Variants in NSG2 observed in about 807,000 individuals in gnomAD.
NSG2 encodes the protein neuronal vesicle trafficking-associated protein 2.
NSG2 carries 4 observed loss-of-function variants against 16.9 expected under a neutral mutation model. That is an observed-to-expected ratio of 0.24 (90% CI 0.12 to 0.54). The LOEUF is 0.54. Ranked by LOEUF, NSG2 falls within the 20% of genes least tolerant of loss-of-function variation. NSG2 has a pLI of 0.95. For missense variants in NSG2, 179 were observed against 221.1 expected (o/e 0.81, Z 1.21); for synonymous variants, 98 against 88.7 (o/e 1.11, Z -0.59).
At chr5:174,054,450 A>G (rs187630048) in intron 2 of NSG2, among the ~76,000 whole-genome samples, 84 of 152,290 alleles carry the variant, frequency 5.5e-4, no homozygotes, top group African/African-American at 1.9e-3. Context: ...GTGATTGTAC[A>G]TAGCTCCCTG....
chr5:174,100,760 C>T (rs983490899), intron 3 of NSG2, among the ~76,000 whole-genome samples: 4 of 152,238 alleles, frequency 2.6e-5, no homozygotes, highest in African/African-American at 9.6e-5. Context: ...AGTGGAAGAG[C>T]TCACCCTGTA....
At chr5:174,098,719 A>T (rs1417625910) in intron 3 of NSG2, among the ~76,000 whole-genome samples, 1 of 152,128 alleles carries the variant, frequency 6.6e-6, no homozygotes, top group Admixed American at 6.5e-5. Flanking sequence ...CCTTGAGGCA[A>T]TGGCTGTGCA....
chr5:174,107,966 A>T lies in NSG2; in HGVS notation c.*461A>T, dbSNP rs953231765. The T allele has an allele frequency of 2.8e-6, 1 of 363,432 alleles. No homozygotes were observed. Among genetic ancestry groups the T allele is most frequent in the Non-Finnish European group, 5.4e-6 (1 of 186,698 alleles). The allele number at this position is 363,432 out of a possible 1,614,324, so 22.5% of individuals were successfully genotyped here. A position where few individuals can be genotyped will look rare whatever the true frequency, so the allele number is the denominator to read the frequency against. ...AGTGGGGGCTCCAGGGTTGCAGAGTATGAGTGACACAGACCGGGACTATTC... is the reference window on the plus strand; with the variant it reads ...AGTGGGGGCTCCAGGGTTGCAGAGTTTGAGTGACACAGACCGGGACTATTC... On this transcript the variant is annotated 3_prime_UTR_variant, in exon 5 of 5. Transcript: ENST00000303177. The surrounding 1 kb of genome is among the most constrained non-coding windows in gnomAD (Gnocchi z 4.5).
intron 2 of NSG2, among the ~76,000 whole-genome samples, chr5:174,063,549 T>C (rs1342571383): frequency 7.0e-6 from 1 of 142,434 alleles, no homozygotes; most frequent in Non-Finnish European, 1.5e-5. Context: ...TTTTATTTTA[T>C]TTTATTTTAT....
intron 3 of NSG2, among the ~76,000 whole-genome samples, chr5:174,065,715 A>C (rs781756199): frequency 5.3e-5 from 8 of 152,214 alleles, no homozygotes; most frequent in Non-Finnish European, 1.0e-4. Flanking sequence ...GGAGGCAAAC[A>C]ATCAGCCCTG....
intron 3 of NSG2, among the ~76,000 whole-genome samples, chr5:174,101,523 G>C (rs761682704): frequency 6.6e-6 from 1 of 152,156 alleles, no homozygotes; most frequent in Non-Finnish European, 1.5e-5. Flanking sequence ...CCTCATTCTG[G>C]GAGTCTCATC....
At chr5:174,079,842 G>C (rs1386109537) in intron 3 of NSG2, among the ~76,000 whole-genome samples, 1 of 152,140 alleles carries the variant, frequency 6.6e-6, no homozygotes, top group Non-Finnish European at 1.5e-5. Flanking sequence ...ACTCCACAAG[G>C]CATGAGGGAA....
In NSG2 at chr5:174,107,644, G is replaced by A. The variant is rs1198799005; in HGVS notation, c.*139G>A. 6 of 821,854 alleles carry A rather than the reference G, an allele frequency of 7.3e-6. No homozygotes were observed. The highest frequency in any genetic ancestry group is 2.2e-4 in the Middle Eastern group (1 of 4,556). 50.9% of individuals were successfully genotyped at this position (821,854 alleles called of 1,614,324 possible). On this transcript the variant is annotated 3_prime_UTR_variant, in exon 5 of 5. Transcript: ENST00000303177. The surrounding 1 kb of genome is among the most constrained non-coding windows in gnomAD (Gnocchi z 4.5). Reference sequence around the variant, plus strand: ...GGCAGGGCAGGGTGGGGGGAAGAACGCACCAAAAACGTGGTGTGTGCTGGA... The same window carrying A: ...GGCAGGGCAGGGTGGGGGGAAGAACACACCAAAAACGTGGTGTGTGCTGGA...
chr5:174,091,150 G>A (rs1174357893), intron 3 of NSG2: 1 of 151,792 alleles, frequency 6.6e-6, no homozygotes, highest in Non-Finnish European at 1.5e-5. Flanking sequence ...TGTCTCCATG[G>A]AGATGGTAAT....
intron 3 of NSG2, among the ~76,000 whole-genome samples, chr5:174,066,445 A>G (rs988837623): frequency 1.3e-5 from 2 of 152,256 alleles, no homozygotes; most frequent in South Asian, 2.1e-4. Context: ...AAATTAAAGT[A>G]TTGGAAACTA....
intron 2 of NSG2, among the ~76,000 whole-genome samples, chr5:174,048,487 G>T (rs1759835750): frequency 6.6e-6 from 1 of 152,238 alleles, no homozygotes. Flanking sequence ...CACAGAAGGA[G>T]TAAGTAGAAA....
rs550885372 is a variant in NSG2 at position 174,080,174 on chromosome 5, A to G, written c.213+15859A>G. On this transcript the variant is annotated intron_variant, in intron 3 of 4. Coordinates refer to ENST00000303177, the MANE Select transcript of NSG2 (RefSeq NM_015980.5). Reference sequence around the variant, plus strand: ...TGAACTGACTGTTTTTTGTTATTGTATACCAAATTCTTTCAGTTACAGCTT... The same window carrying G: ...TGAACTGACTGTTTTTTGTTATTGTGTACCAAATTCTTTCAGTTACAGCTT... Among the ~76,000 whole-genome samples the G allele has an allele frequency of 7.9e-5, 12 of 152,092 alleles. No individual in the cohort carries two copies. The South Asian group carries it at 1.2e-3, about 16-fold the overall frequency.
intron 2 of NSG2, among the ~76,000 whole-genome samples, chr5:174,050,623 A>G (rs563219149): frequency 2.6e-5 from 4 of 152,186 alleles, no homozygotes; most frequent in Non-Finnish European, 4.4e-5. Context: ...CTTCAGTAAG[A>G]AGTCTCTCAT....
chr5:174,093,918 A>G (rs943250529), intron 3 of NSG2, among the ~76,000 whole-genome samples: 10 of 152,166 alleles, frequency 6.6e-5, no homozygotes, highest in African/African-American at 2.4e-4. Flanking sequence ...CTGGCTTGAC[A>G]GTGGAAGGGT....
intron 3 of NSG2, among the ~76,000 whole-genome samples, chr5:174,098,893 G>A (rs947545501): frequency 7.2e-5 from 11 of 152,184 alleles, no homozygotes; most frequent in Non-Finnish European, 1.5e-4. Context: ...CTAGCGAGCT[G>A]TTTATCGCGA....
At chr5:174,094,016 C>T (rs1317230331) in intron 3 of NSG2, among the ~76,000 whole-genome samples, 4 of 152,196 alleles carry the variant, frequency 2.6e-5, no homozygotes, top group South Asian at 2.1e-4. Flanking sequence ...CAGTATGCAT[C>T]GTGCATGGTA....
chr5:174,071,871 G>A (rs934859063), intron 3 of NSG2, among the ~76,000 whole-genome samples: 2 of 152,176 alleles, frequency 1.3e-5, no homozygotes, highest in Admixed American at 1.3e-4. Flanking sequence ...GGCTACACAG[G>A]AATGGCTCCT....
At chr5:174,088,378 T>G (rs1250041024) in intron 3 of NSG2, among the ~76,000 whole-genome samples, 1 of 152,216 alleles carries the variant, frequency 6.6e-6, no homozygotes, top group Admixed American at 6.5e-5. Flanking sequence ...GAAGGCTGTC[T>G]TCAGCCTCAT....
chr5:174,094,084 C>T (rs1161777031), intron 3 of NSG2, among the ~76,000 whole-genome samples: 1 of 152,146 alleles, frequency 6.6e-6, no homozygotes, highest in East Asian at 1.9e-4. Context: ...AAATATGTAT[C>T]ACAACGCCAA....
Sources: gnomAD v4.1 joint callset for allele counts (sites outside exome capture counted in the v4.1 genomes callset) on GRCh38, gnomAD v4.1.1 for gene constraint, Gnocchi (gnomAD v3.1) non-coding constraint, MANE v1.5 for transcripts, NCBI Gene and HGNC (gene_info 2026-07-23, HGNC 2026-07-21) for gene names.